SLIT3: variants seen among roughly 807,000 people sequenced by gnomAD.
SLIT3 encodes the protein slit homolog 3 protein.
In SLIT3, 68 loss-of-function variants were observed where a neutral mutation model predicts 184.0. That is an observed-to-expected ratio of 0.37 (90% CI 0.30 to 0.45). The LOEUF (loss-of-function observed/expected upper bound fraction) is 0.45. Among genes scored for constraint, SLIT3 ranks in the 20% least tolerant of loss-of-function variants. The pLI is 1.00. For synonymous variants in SLIT3, 831 were observed against 828.6 expected, an observed-to-expected ratio of 1.00 and a Z score of -0.05; for missense variants, 1,707 against 2,026.0, an observed-to-expected ratio of 0.84 and a Z score of 3.02.
chr5:169,192,264 C>T (rs1763578444), intron 4 of SLIT3, among the ~76,000 whole-genome samples: 1 of 152,074 alleles, frequency 6.6e-6, no homozygotes, highest in South Asian at 2.1e-4. Context: ...GGCGACTGAG[C>T]CAGAGAGATG....
chr5:169,140,598 G>A (rs912992199), intron 4 of SLIT3, among the ~76,000 whole-genome samples: 2 of 151,334 alleles, frequency 1.3e-5, no homozygotes, highest in African/African-American at 4.9e-5. Context: ...GAGGCCAGGA[G>A]TCTGAGACCA....
chr5:169,257,589 C>T (rs1194563972), intron 1 of SLIT3, among the ~76,000 whole-genome samples: 7 of 126,330 alleles, frequency 5.5e-5, no homozygotes, highest in Admixed American at 1.8e-4. Flanking sequence ...CTCTGTCACC[C>T]GGGCTGGAGT....
intron 4 of SLIT3, among the ~76,000 whole-genome samples, chr5:168,932,922 T>C (rs1762040102): frequency 6.6e-6 from 1 of 152,214 alleles, no homozygotes; most frequent in South Asian, 2.1e-4. Flanking sequence ...CAGTAGCCAC[T>C]ATTATAAGAT....
At chr5:168,870,762 A>G (rs2113765877) in intron 5 of SLIT3, among the ~76,000 whole-genome samples, 1 of 152,342 alleles carries the variant, frequency 6.6e-6, no homozygotes, top group South Asian at 2.1e-4. Flanking sequence ...CTCATGTTGC[A>G]CACTAATGTC....
intron 12 of SLIT3, among the ~76,000 whole-genome samples, chr5:168,784,974 T>C (rs1173950278): frequency 6.6e-6 from 1 of 151,504 alleles, no homozygotes; most frequent in African/African-American, 2.4e-5. Context: ...GGCATGGCCA[T>C]GTAGATTCTT....
intron 3 of SLIT3, among the ~76,000 whole-genome samples, chr5:169,235,175 G>T (rs1765150778): frequency 6.6e-6 from 1 of 152,036 alleles, no homozygotes; most frequent in Admixed American, 6.5e-5. Context: ...GAACCTCTTT[G>T]CCTAACTCTC....
chr5:168,771,498 T>C (rs1755548541), intron 14 of SLIT3, among the ~76,000 whole-genome samples: 1 of 152,164 alleles, frequency 6.6e-6, no homozygotes, highest in Non-Finnish European at 1.5e-5. Context: ...CCCTCTCCTA[T>C]AGAGCAAAGG....
At position 168,745,574 on chromosome 5, in the gene SLIT3, AC is replaced by A. The variant is rs552524416; in HGVS notation, c.2270+2727del. 4.7e-4 allele frequency among the ~76,000 whole-genome samples: 71 copies of A among 152,184 alleles called. 1 individual carries two copies. Among genetic ancestry groups the A allele is most frequent in the Non-Finnish European group, 5.9e-4 (40 of 68,008 alleles). On this transcript the variant is annotated intron_variant, in intron 20 of 35. Coordinates refer to ENST00000519560, the MANE Select transcript of SLIT3 (RefSeq NM_003062.4). Reference sequence around the variant, plus strand: ...TCACAGGCGTATGCCACCATGCCCTACTAATTTTTGTATTTTCAGTAGAGAT... The same window carrying A: ...TCACAGGCGTATGCCACCATGCCCTATAATTTTTGTATTTTCAGTAGAGAT...
intron 4 of SLIT3, among the ~76,000 whole-genome samples, chr5:169,015,031 C>A (rs1756309279): frequency 6.7e-6 from 1 of 150,128 alleles, no homozygotes; most frequent in South Asian, 2.1e-4. Flanking sequence ...TGCAGGAGGG[C>A]AAAAAGCAAA....
chr5:168,774,721 G>GA (rs142417613), intron 12 of SLIT3, among the ~76,000 whole-genome samples: 16,370 of 151,878 alleles, frequency 0.11, 952 homozygotes, highest in South Asian at 0.14. Flanking sequence ...AATTGGAAAG[G>GA]AAAAAAAATC....
intron 4 of SLIT3, among the ~76,000 whole-genome samples, chr5:168,939,332 G>C (rs1358909871): frequency 1.3e-5 from 2 of 152,184 alleles, no homozygotes; most frequent in African/African-American, 4.8e-5. Flanking sequence ...GAAGAGCACG[G>C]ATGTATACTG....
intron 6 of SLIT3, among the ~76,000 whole-genome samples, chr5:168,837,796 C>T (rs886076179): frequency 6.6e-6 from 1 of 152,206 alleles, no homozygotes; most frequent in South Asian, 2.1e-4. Flanking sequence ...CACACACCAA[C>T]GATATCTCTT....
intron 5 of SLIT3, 109 bp downstream of exon 5, chr5:168,883,156 C>T: frequency 2.6e-6 from 2 of 781,142 alleles, no homozygotes; most frequent in South Asian, 1.6e-5. Context: ...CCCTCAATTT[C>T]ATCTCTGAAG....
chr5:169,107,278 G>A (rs1760247005), intron 4 of SLIT3, among the ~76,000 whole-genome samples: 1 of 152,212 alleles, frequency 6.6e-6, no homozygotes, highest in Non-Finnish European at 1.5e-5. Flanking sequence ...TCCCAAGTGT[G>A]AAGGTGTTGG....
At chr5:168,857,588 G>A (rs918925489) in intron 5 of SLIT3, among the ~76,000 whole-genome samples, 2 of 152,146 alleles carry the variant, frequency 1.3e-5, no homozygotes, top group Non-Finnish European at 2.9e-5. Flanking sequence ...CAGGGCTGCT[G>A]AGTTTTAATT....
intron 4 of SLIT3, among the ~76,000 whole-genome samples, chr5:169,042,351 T>G (rs536700900): frequency 5.9e-5 from 9 of 152,212 alleles, no homozygotes; most frequent in Non-Finnish European, 1.3e-4. Context: ...AGGACTGTTC[T>G]ATATAACAAA....
intron 4 of SLIT3, among the ~76,000 whole-genome samples, chr5:168,914,669 G>A (rs546132362): frequency 1.1e-4 from 17 of 152,110 alleles, no homozygotes; most frequent in South Asian, 4.2e-4. Flanking sequence ...ACTCTTTTCC[G>A]TAGCGTACTT....
intron 3 of SLIT3, among the ~76,000 whole-genome samples, chr5:169,209,337 C>T (rs1273847469): frequency 6.6e-6 from 1 of 152,178 alleles, no homozygotes; most frequent in Non-Finnish European, 1.5e-5. Context: ...AATAGGAACA[C>T]TTTTACACGT....
At chr5:169,295,630 C>T (rs377115433) in intron 1 of SLIT3, among the ~76,000 whole-genome samples, 12 of 152,348 alleles carry the variant, frequency 7.9e-5, no homozygotes, top group South Asian at 6.2e-4. Flanking sequence ...GCCCTAACCA[C>T]GATGCTTAGG....
Sources: gnomAD v4.1 joint callset for allele counts (sites outside exome capture counted in the v4.1 genomes callset) on GRCh38, gnomAD v4.1.1 for gene constraint, MANE v1.5 for transcripts, NCBI Gene and HGNC (gene_info 2026-07-23, HGNC 2026-07-21) for gene names.